TMTC2: variants seen among roughly 807,000 people sequenced by gnomAD.
TMTC2 encodes the protein transmembrane O-mannosyltransferase targeting cadherins 2.
A neutral mutation model predicts 82.4 loss-of-function variants in TMTC2; 43 were observed. That is an observed-to-expected ratio of 0.52 (90% CI 0.41 to 0.67). The LOEUF (loss-of-function observed/expected upper bound fraction) is 0.67, where lower values mean the gene tolerates loss of function less well. TMTC2 is among the 30% of genes least tolerant of loss of function. The pLI, the probability that TMTC2 is intolerant of heterozygous loss-of-function variation, is 0.00. For missense variants in TMTC2, 919 were observed against 1,012.4 expected (o/e 0.91, Z 1.25); for synonymous variants, 408 against 381.9 (o/e 1.07, Z -0.80).
intron 1 of TMTC2, among the ~76,000 whole-genome samples, chr12:82,806,385 A>G (rs1311604383): frequency 6.6e-6 from 1 of 152,160 alleles, no homozygotes; most frequent in Admixed American, 6.5e-5. Context: ...GCCTGCAAGG[A>G]CCAAAGAAGA....
At chr12:82,802,164 G>A (rs993175823) in intron 1 of TMTC2, among the ~76,000 whole-genome samples, 36 of 152,274 alleles carry the variant, frequency 2.4e-4, no homozygotes, top group African/African-American at 7.2e-4. Context: ...GCCCTGCCCC[G>A]TGGGGAGGCA....
At chr12:82,729,781 T>C (rs1034381567) in intron 1 of TMTC2, among the ~76,000 whole-genome samples, 1 of 152,230 alleles carries the variant, frequency 6.6e-6, no homozygotes, top group Non-Finnish European at 1.5e-5. Context: ...GTGGTAGCTT[T>C]GTTCTTTTGC....
chr12:82,717,957 C>T lies in TMTC2; in HGVS notation c.83+30288C>T, dbSNP rs531700940. Among the ~76,000 whole-genome samples, 90 of 152,258 alleles carry T rather than the reference C, an allele frequency of 5.9e-4. No individual in the cohort carries two copies. The Middle Eastern group carries it at 0.01, about 17-fold the overall frequency. On this transcript the variant is annotated intron_variant, in intron 1 of 11. Coordinates refer to ENST00000321196, the MANE Select transcript of TMTC2 (RefSeq NM_152588.3). ...TTAAAAAGGAGTTGGCAACAGTGGT[C>T]TTATATCCATGAAACCAAGTAGCAG...
chr12:83,062,168 G>T (rs984158627), intron 11 of TMTC2, among the ~76,000 whole-genome samples: 5 of 151,602 alleles, frequency 3.3e-5, no homozygotes, highest in South Asian at 2.1e-4. Flanking sequence ...TCCTTGAAGG[G>T]TTTTTTGGCT....
At chr12:82,767,504 T>C (rs1006729704) in intron 1 of TMTC2, among the ~76,000 whole-genome samples, 6 of 152,112 alleles carry the variant, frequency 3.9e-5, no homozygotes, top group Non-Finnish European at 8.8e-5. Flanking sequence ...GGAGGATCAC[T>C]TGACCCAGGA....
intron 2 of TMTC2, among the ~76,000 whole-genome samples, chr12:82,885,458 T>G (rs1184257073): frequency 6.6e-6 from 1 of 151,758 alleles, no homozygotes; most frequent in Non-Finnish European, 1.5e-5. Context: ...TAGTCTTGAT[T>G]TCCTGGGCTC....
intron 1 of TMTC2, among the ~76,000 whole-genome samples, chr12:82,812,457 T>C (rs547039789): frequency 6.6e-6 from 1 of 152,284 alleles, no homozygotes; most frequent in East Asian, 1.9e-4. Context: ...AAGCATCAAC[T>C]GACTTAGCCA....
At chr12:82,772,720 A>G (rs1000021888) in intron 1 of TMTC2, among the ~76,000 whole-genome samples, 5 of 152,186 alleles carry the variant, frequency 3.3e-5, no homozygotes, top group Admixed American at 2.6e-4. Flanking sequence ...AATAAATTTA[A>G]TTCTTTTTTT....
chr12:82,871,967 C>G (rs1872205049), intron 2 of TMTC2, among the ~76,000 whole-genome samples: 1 of 150,948 alleles, frequency 6.6e-6, no homozygotes, highest in Non-Finnish European at 1.5e-5. Flanking sequence ...TTTGTGCATT[C>G]ATTATTTTTA....
Position 82,916,425 on chromosome 12 carries a change from G to A in TMTC2, c.1484-14006G>A, listed in dbSNP as rs185042062. On this transcript the variant is annotated intron_variant, in intron 3 of 11. Transcript: ENST00000321196. Reference sequence around the variant, plus strand: ...GTTATTAGGGACATAGGGCAAAATTGAGAAGCCATGGGAAAAATTTTGCAT... The same window carrying A: ...GTTATTAGGGACATAGGGCAAAATTAAGAAGCCATGGGAAAAATTTTGCAT... Among the ~76,000 whole-genome samples the A allele has an allele frequency of 2.6e-5, 4 of 152,306 alleles. No individual in the cohort carries two copies. The East Asian group carries it at 7.7e-4, about 29-fold the overall frequency.
chr12:82,976,847 AAAG>A (rs548851264), intron 7 of TMTC2, among the ~76,000 whole-genome samples: 103 of 152,224 alleles, frequency 6.8e-4, no homozygotes, highest in African/African-American at 2.5e-3. Flanking sequence ...TTCTAGAAAA[AAAG>A]AATTATCTGG....
chr12:82,756,001 G>A (rs189396230), intron 1 of TMTC2, among the ~76,000 whole-genome samples: 1 of 152,146 alleles, frequency 6.6e-6, no homozygotes, highest in Non-Finnish European at 1.5e-5. Context: ...GAGTCAGGGT[G>A]ACAGTACCTC....
At chr12:83,108,653 C>G (rs972484028) in intron 11 of TMTC2, among the ~76,000 whole-genome samples, 2 of 150,606 alleles carry the variant, frequency 1.3e-5, no homozygotes, top group African/African-American at 4.9e-5. Flanking sequence ...AAGTGAACTA[C>G]AACACCACTA....
chr12:83,030,752 C>G (rs376002531), intron 8 of TMTC2, 46 bp from the exon 9 acceptor site: 9 of 1,415,788 alleles, frequency 6.4e-6, no homozygotes, highest in Non-Finnish European at 9.0e-6. Flanking sequence ...AGTGAAGAAT[C>G]CCTCATGATC....
chr12:82,968,286 G>A (rs1438596708), intron 7 of TMTC2, among the ~76,000 whole-genome samples: 1 of 151,838 alleles, frequency 6.6e-6, no homozygotes, highest in Non-Finnish European at 1.5e-5. Context: ...ATATATTCTT[G>A]CCATTAAATT....
At chr12:82,845,943 GT>G (rs199718259) in intron 1 of TMTC2, among the ~76,000 whole-genome samples, 9,576 of 137,674 alleles carry the variant, frequency 0.07, 1,002 homozygotes, top group African/African-American at 0.22. Context: ...TTTTGTGTTT[GT>G]TTTTTTTTTT....
intron 11 of TMTC2, among the ~76,000 whole-genome samples, chr12:83,079,401 C>A (rs1250281014): frequency 2.0e-5 from 3 of 152,104 alleles, no homozygotes; most frequent in African/African-American, 7.2e-5. Flanking sequence ...CAAATTATTT[C>A]TTTTAAATAG....
intron 8 of TMTC2, among the ~76,000 whole-genome samples, chr12:83,007,583 G>A (rs528863054): frequency 1.1e-4 from 16 of 152,074 alleles, no homozygotes; most frequent in African/African-American, 3.9e-4. Flanking sequence ...TGTCCTTTAT[G>A]ACATCTCTGT....
chr12:83,018,941 G>T (rs1176514413), intron 8 of TMTC2, among the ~76,000 whole-genome samples: 4 of 152,152 alleles, frequency 2.6e-5, no homozygotes, highest in South Asian at 4.1e-4. Flanking sequence ...TACTAAATTG[G>T]TTTACAATGA....
Sources: allele counts gnomAD v4.1 joint callset (sites outside exome capture counted in the v4.1 genomes callset), GRCh38; gene constraint gnomAD v4.1.1; transcripts MANE v1.5; gene names NCBI Gene and HGNC (gene_info 2026-07-23, HGNC 2026-07-21).